Variants in GABRA4 observed in about 807,000 individuals in gnomAD.
GABRA4 encodes the protein gamma-aminobutyric acid type A receptor subunit alpha4, also known as gamma-aminobutyric acid receptor subunit alpha-4.
Under a neutral mutation model 49.7 loss-of-function variants are expected in GABRA4, and 12 were observed. The observed-to-expected ratio is 0.24, with a 90% confidence interval of 0.15 to 0.39. The LOEUF is 0.39. Among genes scored for constraint, GABRA4 ranks in the 10% least tolerant of loss-of-function variants. GABRA4 has a pLI of 1.00. For missense variants in GABRA4, 506 were observed against 686.0 expected, an observed-to-expected ratio of 0.74 and a Z score of 2.93; for synonymous variants, 288 against 240.2, an observed-to-expected ratio of 1.20 and a Z score of -1.84.
chr4:46,926,374 G>C lies in GABRA4; in HGVS notation c.*1851C>G, dbSNP rs957598738. The C allele has an allele frequency of 6.6e-6, 1 of 151,856 alleles. No homozygotes were observed. Among genetic ancestry groups the C allele is most frequent in the Admixed American group, 6.6e-5 (1 of 15,194 alleles). 9.4% of individuals were successfully genotyped at this position (151,856 alleles called of 1,614,324 possible). A position where few individuals can be genotyped will look rare whatever the true frequency, so the allele number is the denominator to read the frequency against. On this transcript the variant is annotated 3_prime_UTR_variant, in exon 9 of 9. Transcript: ENST00000264318. ...AATTTTAAATTGGGGGGTTGGGACTGGGTGATTTCGACAGTATCTTTCAGC... is the reference window on the plus strand; with the variant it reads ...AATTTTAAATTGGGGGGTTGGGACTCGGTGATTTCGACAGTATCTTTCAGC...
At chr4:46,943,486 C>T (rs1459636043) in intron 8 of GABRA4, among the ~76,000 whole-genome samples, 2 of 152,164 alleles carry the variant, frequency 1.3e-5, no homozygotes, top group South Asian at 2.1e-4. Flanking sequence ...TATTTACACA[C>T]TATAAATGTG....
chr4:46,973,467 T>G (rs1577784257), intron 6 of GABRA4, among the ~76,000 whole-genome samples: 1 of 151,916 alleles, frequency 6.6e-6, no homozygotes, highest in East Asian at 2.0e-4. Context: ...CACCTCATCT[T>G]AGACTTGTCA....
At chr4:46,978,716 AAAAG>A (rs1244231326) in intron 3 of GABRA4, among the ~76,000 whole-genome samples, 2 of 149,592 alleles carry the variant, frequency 1.3e-5, no homozygotes, top group Non-Finnish European at 3.0e-5. Context: ...AAAAAAAAGA[AAAAG>A]AAAGAAAGAA....
At position 46,944,888 on chromosome 4, in the gene GABRA4, T is replaced by C. The variant is rs555607874; in HGVS notation, c.1135-16133A>G. Among the ~76,000 whole-genome samples the C allele has an allele frequency of 2.6e-5, 4 of 152,136 alleles. No homozygotes were observed. In the East Asian group the frequency reaches 5.8e-4, roughly 22 times the overall value. On this transcript the variant is annotated intron_variant, in intron 8 of 8. Coordinates refer to ENST00000264318, the MANE Select transcript of GABRA4 (RefSeq NM_000809.4). ...AGTTTCTTTAAGGGCCTCAACAGTG[T>C]CTAACTGTTTTCCTTTCCCTACCAA... is the stretch of plus-strand genomic sequence containing the variant.
chr4:46,973,447 A>C (rs1346937660), intron 6 of GABRA4, among the ~76,000 whole-genome samples: 1 of 151,782 alleles, frequency 6.6e-6, no homozygotes, highest in Non-Finnish European at 1.5e-5. Flanking sequence ...TTGAACACTG[A>C]ATCTGACTGC....
At chr4:46,971,280 A>G in intron 6 of GABRA4, 45 bp from the exon 7 acceptor site, 1 of 1,555,912 alleles carries the variant, frequency 6.4e-7, no homozygotes, top group Non-Finnish European at 8.8e-7. Flanking sequence ...TTCTGCAGGC[A>G]ATTAGTCAAT....
At chr4:46,940,449 TAAAG>T (rs1721750939) in intron 8 of GABRA4, among the ~76,000 whole-genome samples, 2 of 152,100 alleles carry the variant, frequency 1.3e-5, no homozygotes, top group African/African-American at 4.8e-5. Flanking sequence ...AAATTATGTA[TAAAG>T]AAACTGTGTG....
At position 46,927,922 on chromosome 4, in the gene GABRA4, A is replaced by C; in HGVS notation, c.*303T>G. 1 of 220,806 alleles carries C rather than the reference A, an allele frequency of 4.5e-6. No homozygotes were observed. The highest frequency in any genetic ancestry group is 8.4e-5 in the South Asian group (1 of 11,894). The allele number at this position is 220,806 out of a possible 1,614,324, so 13.7% of individuals were successfully genotyped here. The stretch of plus-strand genomic sequence containing the variant: ...ATGTCATAGTCTGTTTTCAAATATC[A>C]ATGAAAAAATATGCGCCACTTGTCT... On this transcript the variant is annotated 3_prime_UTR_variant, in exon 9 of 9. Coordinates refer to ENST00000264318, the MANE Select transcript of GABRA4 (RefSeq NM_000809.4).
intron 8 of GABRA4, 104 bp from the exon 9 acceptor site, chr4:46,928,859 A>G: frequency 1.3e-6 from 1 of 744,848 alleles, no homozygotes; most frequent in South Asian, 2.0e-5. Context: ...TCCATAAAAT[A>G]AAACTTTATT....
Position 46,946,092 on chromosome 4 carries a change from T to C in GABRA4, c.1135-17337A>G, listed in dbSNP as rs1721968871. On this transcript the variant is annotated intron_variant, in intron 8 of 8. Transcript: ENST00000264318. ...TGAAAACAACAACAAAAAATTTCTA[T>C]AGGCCACTGGTGATCCTGGCAAGAC... 2.6e-5 allele frequency among the ~76,000 whole-genome samples: 4 copies of C among 152,286 alleles called. No individual in the cohort carries two copies. In the South Asian group the frequency reaches 8.3e-4, roughly 32 times the overall value.
chr4:46,959,011 C>T (rs867591383), intron 8 of GABRA4, among the ~76,000 whole-genome samples: 3 of 151,956 alleles, frequency 2.0e-5, no homozygotes, highest in Non-Finnish European at 4.4e-5. Context: ...ATTTCAGCTT[C>T]CTGATTGAAA....
At chr4:46,964,048 G>A (rs1212016142) in intron 8 of GABRA4, among the ~76,000 whole-genome samples, 1 of 151,772 alleles carries the variant, frequency 6.6e-6, no homozygotes, top group Non-Finnish European at 1.5e-5. Flanking sequence ...AGAAAATGTG[G>A]TACATATATA....
chr4:46,993,534 C>A lies in GABRA4; in HGVS notation c.-110G>T, dbSNP rs1265987410. On this transcript the variant is annotated 5_prime_UTR_variant, in exon 1 of 9. Transcript: ENST00000264318. ...GGCTCCCGCGGCGTGCGCACACTCG[C>A]GCTCACACTCGCCCGCGCTCAGCCA... 5 of 1,137,512 alleles carry A rather than the reference C, an allele frequency of 4.4e-6. No individual in the cohort carries two copies. Among genetic ancestry groups the A allele is most frequent in the South Asian group, 4.0e-5 (3 of 74,134 alleles). The allele number at this position is 1,137,512 out of a possible 1,614,324, so 70.5% of individuals were successfully genotyped here. A position where few individuals can be genotyped will look rare whatever the true frequency, so the allele number is the denominator to read the frequency against.
intron 8 of GABRA4, among the ~76,000 whole-genome samples, chr4:46,930,510 T>C (rs1417328928): frequency 1.3e-5 from 2 of 151,792 alleles, no homozygotes; most frequent in African/African-American, 4.8e-5. Context: ...ACACACATGA[T>C]ACAATAAAAA....
intron 8 of GABRA4, among the ~76,000 whole-genome samples, chr4:46,943,198 G>A (rs1049294242): frequency 1.3e-5 from 2 of 152,000 alleles, no homozygotes; most frequent in Non-Finnish European, 2.9e-5. Context: ...TGATATATTT[G>A]TCCAAACAAA....
In GABRA4 at chr4:46,919,044, G is replaced by T. The variant is rs1206200737; in HGVS notation, c.*9181C>A. ...TAAGTATCTGTGATTAAATTTTATA[G>T]AAATTTAAATCCTTACTATTTTAAA... On this transcript the variant is annotated 3_prime_UTR_variant, in exon 9 of 9. Transcript: ENST00000264318. 1 of 151,426 alleles carries T rather than the reference G, an allele frequency of 6.6e-6. No individual in the cohort carries two copies. Among genetic ancestry groups the T allele is most frequent in the Non-Finnish European group, 1.5e-5 (1 of 67,538 alleles). The allele number at this position is 151,426 out of a possible 1,614,324, so 9.4% of individuals were successfully genotyped here.
At position 46,922,943 on chromosome 4, in the gene GABRA4, T is replaced by C. The variant is rs1327793825; in HGVS notation, c.*5282A>G. The C allele has an allele frequency of 1.3e-5, 2 of 152,184 alleles. No homozygotes were observed. Among genetic ancestry groups the C allele is most frequent in the Admixed American group, 1.3e-4 (2 of 15,254 alleles). The allele number at this position is 152,184 out of a possible 1,614,324, so 9.4% of individuals were successfully genotyped here. A position where few individuals can be genotyped will look rare whatever the true frequency, so the allele number is the denominator to read the frequency against. On this transcript the variant is annotated 3_prime_UTR_variant, in exon 9 of 9. Coordinates refer to ENST00000264318, the MANE Select transcript of GABRA4 (RefSeq NM_000809.4). ...ACAACAGGAGGTGAGTGGCACCCAT[T>C]GAGCATTATCGCCTGAGCTCTGCCT...
chr4:46,990,292 A>G (rs1723698186), intron 2 of GABRA4, among the ~76,000 whole-genome samples: 1 of 152,234 alleles, frequency 6.6e-6, no homozygotes, highest in African/African-American at 2.4e-5. Flanking sequence ...GATGACTAAT[A>G]ATGTCCTTGA....
intron 8 of GABRA4, among the ~76,000 whole-genome samples, chr4:46,930,314 A>C: frequency 6.6e-6 from 1 of 152,120 alleles, no homozygotes; most frequent in Admixed American, 6.6e-5. Context: ...TCCTCTATAC[A>C]GAACATTGTA....
Sources: allele counts gnomAD v4.1 joint callset (sites outside exome capture counted in the v4.1 genomes callset), GRCh38; gene constraint gnomAD v4.1.1; transcripts MANE v1.5; gene names NCBI Gene and HGNC (gene_info 2026-07-23, HGNC 2026-07-21).